Variants in SNX2 observed in about 807,000 individuals in gnomAD.
SNX2 encodes sorting nexin-2.
A neutral mutation model predicts 69.9 loss-of-function variants in SNX2; 25 were observed. That is an observed-to-expected ratio of 0.36 (90% CI 0.26 to 0.50). SNX2 has a LOEUF of 0.50. SNX2 is among the 20% of genes least tolerant of loss of function. SNX2 has a pLI of 0.97. For synonymous variants in SNX2, 229 were observed against 200.4 expected (o/e 1.14, Z -1.20); for missense variants, 551 against 613.3 (o/e 0.90, Z 1.07).
At chr5:122,791,365 T>C (rs1436524032) in intron 1 of SNX2, among the ~76,000 whole-genome samples, 1 of 152,114 alleles carries the variant, frequency 6.6e-6, no homozygotes, top group Admixed American at 6.5e-5. Flanking sequence ...CACTGCAGCC[T>C]CTGCCTCCCG....
chr5:122,775,836 A>G (rs1752845178), intron 1 of SNX2: 2 of 950,322 alleles, frequency 2.1e-6, no homozygotes, highest in African/African-American at 1.8e-5. Context: ...TATAAAATGT[A>G]AAGCTGAAGG....
In SNX2 at chr5:122,782,685, C is replaced by T. The variant is rs866866942; in HGVS notation, c.108+7474C>T. Among the ~76,000 whole-genome samples, 5 of 149,950 alleles carry T rather than the reference C, an allele frequency of 3.3e-5. No homozygotes were observed. In the South Asian group the frequency reaches 1.1e-3, roughly 32 times the overall value. On this transcript the variant is annotated intron_variant, in intron 1 of 14. Transcript: ENST00000379516. ...CCTAGTAGCTGGGATTACAGGTGCC[C>T]ACCACCATGCCCAGCTAATTTTTGT... is the stretch of plus-strand genomic sequence containing the variant.
At chr5:122,801,786 A>G (rs1362243040) in intron 3 of SNX2, 83 bp from the exon 4 acceptor site, 3 of 872,230 alleles carry the variant, frequency 3.4e-6, no homozygotes, top group African/African-American at 1.7e-5. Context: ...TGACTCTTAC[A>G]GAAAATAGAT....
At chr5:122,808,962 G>A (rs760859344) in intron 7 of SNX2, among the ~76,000 whole-genome samples, 3 of 151,990 alleles carry the variant, frequency 2.0e-5, no homozygotes, top group African/African-American at 7.3e-5. Flanking sequence ...TTACTTGAAT[G>A]TACAAAAGTA....
Position 122,802,119 on chromosome 5 carries a change from A to G in SNX2, c.496A>G (p.Thr166Ala). 6.2e-7 allele frequency: 1 copy of G among 1,613,806 alleles called. No homozygotes were observed. The highest frequency in any genetic ancestry group is 8.5e-7 in the Non-Finnish European group (1 of 1,179,742). Reference sequence around the variant, plus strand: ...TGCCTATATGGCATATAGAGTAACAACAAAGGTGAGCTTTTTGTGCTTTTA... The same window carrying G: ...TGCCTATATGGCATATAGAGTAACAGCAAAGGTGAGCTTTTTGTGCTTTTA... ...MNAYMAYRVTTKTSLSMFSKS... is the reference protein window; with the variant it reads ...MNAYMAYRVTAKTSLSMFSKS... Residue 166 changes from threonine to alanine, a missense_variant, in exon 5 of 15, where the codon ACA becomes GCA. By Grantham distance (58) the Thr-to-Ala change is moderately conservative. This residue lies in a region of SNX2 where 360 missense variants were observed against 450.4 expected (regional missense o/e 0.80). Transcript: ENST00000379516.
At chr5:122,808,755 T>C (rs895568661) in intron 7 of SNX2, 2 of 158,458 alleles carry the variant, frequency 1.3e-5, no homozygotes, top group African/African-American at 4.8e-5. Flanking sequence ...ATAAAAATTT[T>C]TGGATGCAAA....
chr5:122,798,740 A>C (rs78943372), intron 2 of SNX2, among the ~76,000 whole-genome samples: 1,895 of 151,946 alleles, frequency 0.012, 41 homozygotes, highest in African/African-American at 0.044. Flanking sequence ...CTATTATTCC[A>C]TTATCATGGA....
At chr5:122,791,532 T>C (rs1439203710) in intron 1 of SNX2, among the ~76,000 whole-genome samples, 1 of 152,256 alleles carries the variant, frequency 6.6e-6, no homozygotes, top group African/African-American at 2.4e-5. Context: ...TACGCCTGCC[T>C]TGGCCTCCCA....
intron 14 of SNX2, 188 bp downstream of exon 14, chr5:122,827,834 T>C (rs77617563): frequency 2.4e-5 from 13 of 540,634 alleles, no homozygotes; most frequent in Non-Finnish European, 4.3e-5. Context: ...TTTTTTTTTT[T>C]TGCCTCTGCT....
chr5:122,827,343 T>G (rs1328757688), intron 12 of SNX2, 36 bp from the exon 13 acceptor site: 10 of 1,562,506 alleles, frequency 6.4e-6, no homozygotes, highest in Admixed American at 1.7e-5. Flanking sequence ...TACTTTTTTT[T>G]GAGATAAGCA....
intron 13 of SNX2, 43 bp downstream of exon 13, chr5:122,827,502 AT>A (rs1561479360): frequency 6.2e-7 from 1 of 1,603,974 alleles, no homozygotes; most frequent in South Asian, 1.1e-5. Flanking sequence ...ACATGGTCAC[AT>A]TTTGCTGCAA....
At chr5:122,814,184 T>G (rs1051331436) in intron 7 of SNX2, among the ~76,000 whole-genome samples, 1 of 152,226 alleles carries the variant, frequency 6.6e-6, no homozygotes, top group South Asian at 2.1e-4. Context: ...GAGCAACTTA[T>G]GCAAACTGCC....
chr5:122,785,237 C>A lies in SNX2; in HGVS notation c.108+10026C>A, dbSNP rs1753059833. Among the ~76,000 whole-genome samples, 8 of 151,128 alleles carry A rather than the reference C, an allele frequency of 5.3e-5. No individual in the cohort carries two copies. The South Asian group carries it at 1.5e-3, about 28-fold the overall frequency. On this transcript the variant is annotated intron_variant, in intron 1 of 14. Transcript: ENST00000379516. ...CATTGATTTCTGCTCTGTTTTCTTTCTTCTGCTTGCTTTGTGTTTAATTTG... is the reference window on the plus strand; with the variant it reads ...CATTGATTTCTGCTCTGTTTTCTTTATTCTGCTTGCTTTGTGTTTAATTTG...
intron 7 of SNX2, 164 bp downstream of exon 7, chr5:122,808,519 C>T (rs1581638481): frequency 3.8e-6 from 2 of 523,704 alleles, no homozygotes; most frequent in East Asian, 6.1e-5. Context: ...TTACTTCTTT[C>T]AACAAAGTAC....
rs1285935041 is a variant in SNX2, at chr5:122,829,598, C to A, written c.1510C>A (p.Leu504Met). ...CTTATATTTTAATTATCATTCACAG[C>A]TGATAAAATACTGGGAAGCATTCCT... is the stretch of plus-strand genomic sequence containing the variant. ...LESLVQTQQQ[L>M]IKYWEAFLPE... The change falls in exon 15 of 15, where the codon CTG becomes ATG. Residue 504 changes from leucine to methionine, a missense_variant and splice_region_variant. Physicochemically the swap from Leu to Met is conservative, Grantham distance 15. Coordinates refer to ENST00000379516, the MANE Select transcript of SNX2 (RefSeq NM_003100.4). 6.2e-7 allele frequency: 1 copy of A among 1,609,250 alleles called. No homozygotes were observed. The highest frequency in any genetic ancestry group is 2.2e-5 in the East Asian group (1 of 44,820).
At chr5:122,805,782 CT>C (rs568982945) in intron 6 of SNX2, among the ~76,000 whole-genome samples, 199 of 151,962 alleles carry the variant, frequency 1.3e-3, no homozygotes, top group African/African-American at 4.6e-3. Flanking sequence ...TTGTTTAAAA[CT>C]TTTTTGCTTT....
At position 122,806,043 on chromosome 5, in the gene SNX2, A is replaced by C. The variant is rs1199677211; in HGVS notation, c.644-2234A>C. On this transcript the variant is annotated intron_variant, in intron 6 of 14. Transcript: ENST00000379516. ...GATTCGCCCGTCTCAGCCTCCCAAA[A>C]TGCTGGGATTACAGGCGTGAGCCAC... Among the ~76,000 whole-genome samples the C allele has an allele frequency of 7.9e-5, 12 of 151,448 alleles. No homozygotes were observed. In the East Asian group the frequency reaches 2.4e-3, roughly 30 times the overall value.
At chr5:122,791,695 G>A (rs1193914664) in intron 1 of SNX2, among the ~76,000 whole-genome samples, 1 of 152,258 alleles carries the variant, frequency 6.6e-6, no homozygotes, top group Non-Finnish European at 1.5e-5. Context: ...GGGATTACAG[G>A]CGTAAGCCAC....
intron 12 of SNX2, among the ~76,000 whole-genome samples, chr5:122,826,887 A>G (rs1045672585): frequency 6.6e-6 from 1 of 152,030 alleles, no homozygotes; most frequent in African/African-American, 2.4e-5. Context: ...TCATTTTACC[A>G]TTACAAAAAT....
Sources: allele counts gnomAD v4.1 joint callset (sites outside exome capture counted in the v4.1 genomes callset), GRCh38; gene constraint gnomAD v4.1.1; regional missense constraint gnomAD v4.1.1; transcripts MANE v1.5; gene names NCBI Gene and HGNC (gene_info 2026-07-23, HGNC 2026-07-21).